The following CRELD2 variants were observed in gnomAD, a reference collection of about 807,000 sequenced individuals.
CRELD2 encodes CRELD disulfide isomerase 2, also known as protein disulfide isomerase CRELD2.
A neutral mutation model predicts 48.1 loss-of-function variants in CRELD2; 33 were observed. The observed-to-expected ratio is 0.69, with a 90% CI of 0.52 to 0.92. CRELD2 has a LOEUF of 0.92. CRELD2 is among the 40% of genes least tolerant of loss of function. CRELD2 has a pLI of 0.00. For synonymous variants in CRELD2, 220 were observed against 203.9 expected (o/e 1.08, Z -0.67); for missense variants, 477 against 482.4 (o/e 0.99, Z 0.10).
At chr22:49,924,594 C>A in intron 8 of CRELD2, 139 bp downstream of exon 8, 1 of 593,100 alleles carries the variant, frequency 1.7e-6, no homozygotes, top group Non-Finnish European at 3.0e-6. Flanking sequence ...GGTCACTGTG[C>A]ACTCGCCCTG....
At chr22:49,922,083 C>T (rs770589773) in intron 5 of CRELD2, 4 of 636,012 alleles carry the variant, frequency 6.3e-6, no homozygotes, top group Non-Finnish European at 8.0e-6. Context: ...CGCACCGGCC[C>T]AGAGAGCAGC....
Position 49,918,663 on chromosome 22 carries a change from G to A in CRELD2, c.-107G>A, listed in dbSNP as rs1364351603. ...CCTCGCCGGCGCCGTCAAGTAGCCT[G>A]GGGGACAGGCCGGCGCGGCTGGGAG... On this transcript the variant is annotated 5_prime_UTR_variant, in exon 1 of 10. Coordinates refer to ENST00000328268, the MANE Select transcript of CRELD2 (RefSeq NM_024324.5). The A allele has an allele frequency of 1.0e-5, 4 of 387,496 alleles. No homozygotes were observed. Among genetic ancestry groups the A allele is most frequent in the Non-Finnish European group, 1.8e-5 (4 of 227,946 alleles). 24.0% of individuals were successfully genotyped at this position (387,496 alleles called of 1,614,324 possible).
intron 7 of CRELD2, chr22:49,923,621 G>A (rs1051220990): frequency 1.8e-5 from 9 of 507,500 alleles, no homozygotes; most frequent in South Asian, 8.0e-5. Flanking sequence ...AGCGCCTGTC[G>A]GGTGTTTTCC....
In CRELD2 at chr22:49,921,775, C is replaced by G; in HGVS notation, c.592+14C>G. The G allele has an allele frequency of 6.3e-7, 1 of 1,597,480 alleles. No individual in the cohort carries two copies. ...GCATCTGCACAGGTACGGGCTACGCCTGGGCTGGCCCCGGGGTTGAGGCGG... is the reference window on the plus strand; with the variant it reads ...GCATCTGCACAGGTACGGGCTACGCGTGGGCTGGCCCCGGGGTTGAGGCGG... On this transcript the variant is annotated intron_variant, in intron 5 of 9. Coordinates refer to ENST00000328268, the MANE Select transcript of CRELD2 (RefSeq NM_024324.5).
chr22:49,924,296 T>A, intron 7 of CRELD2, 64 bp from the exon 8 acceptor site: 1 of 1,201,712 alleles, frequency 8.3e-7, no homozygotes. Context: ...CTTGTGCATG[T>A]CGGGGTCTGA....
At position 49,918,704 on chromosome 22, in the gene CRELD2, GAGGCCGGAGCAGCACGGCCGCAGGAC is replaced by G; in HGVS notation, c.-65_-40del. On this transcript the variant is annotated 5_prime_UTR_variant, in exon 1 of 10. Transcript: ENST00000328268. The stretch of plus-strand genomic sequence containing the variant: ...CGGCTGGGAGCGGGTGGGCGGCCGG[GAGGCCGGAGCAGCACGGCCGCAGGAC>G]CTGGAGCTCCGGCTGCGTCTTCCCG... 1.7e-6 allele frequency: 1 copy of G among 600,006 alleles called. No individual in the cohort carries two copies. Among genetic ancestry groups the G allele is most frequent in the Non-Finnish European group, 2.4e-6 (1 of 415,994 alleles). The allele number at this position is 600,006 out of a possible 1,614,324, so 37.2% of individuals were successfully genotyped here. A position where few individuals can be genotyped will look rare whatever the true frequency, so the allele number is the denominator to read the frequency against.
rs755814898 is a variant in CRELD2 at position 49,920,259 on chromosome 22, C to T, written c.415+12C>T. The T allele has an allele frequency of 6.3e-7, 1 of 1,579,776 alleles. No homozygotes were observed. The highest frequency in any genetic ancestry group is 2.2e-5 in the East Asian group (1 of 44,722). ...TCCCGACTGTCTCGGTGCGTTTCTC[C>T]TCAGGGAAATCCCATCTCCTACGTC... On this transcript the variant is annotated intron_variant, in intron 4 of 9. Coordinates refer to ENST00000328268, the MANE Select transcript of CRELD2 (RefSeq NM_024324.5).
intron 4 of CRELD2, among the ~76,000 whole-genome samples, chr22:49,920,485 C>T (rs1466713237): frequency 2.6e-5 from 4 of 152,238 alleles, no homozygotes; most frequent in African/African-American, 9.6e-5. Context: ...TATGTCTTCC[C>T]AGCTGTGCTG....
At chr22:49,923,061 C>T (rs1412952353) in intron 6 of CRELD2, 173 bp from the exon 7 acceptor site, 11 of 601,512 alleles carry the variant, frequency 1.8e-5, no homozygotes, top group African/African-American at 5.6e-5. Context: ...CCTCCCCTGC[C>T]GCGTGGGGCC....
At position 49,919,714 on chromosome 22, in the gene CRELD2, T is replaced by A; in HGVS notation, c.213-16T>A. On this transcript the variant is annotated splice_polypyrimidine_tract_variant and intron_variant, in intron 2 of 9. Transcript: ENST00000328268. ...TGGAGGCGCTGACGGTGGGCCGGTG[T>A]GGGCCTGTGTTTCAGCGAGATTCGC... 1 of 1,590,086 alleles carries A rather than the reference T, an allele frequency of 6.3e-7. No homozygotes were observed. The highest frequency in any genetic ancestry group is 8.6e-7 in the Non-Finnish European group (1 of 1,166,604).
chr22:49,919,788 A>C lies in CRELD2; in HGVS notation c.271A>C (p.Asn91His). ...GTGCGAGAGCAGCGACTTCGAATGC[A>C]ATCAGATGCTAGAGGCGCAGGAGGA... The part of the protein sequence containing the change: ...GLCESSDFEC[N>H]QMLEAQEEHL... The change falls in exon 3 of 10, where the codon AAT becomes CAT. Residue 91 changes from asparagine to histidine, a missense_variant. Physicochemically the swap from Asn to His is moderately conservative, Grantham distance 68. Coordinates refer to ENST00000328268, the MANE Select transcript of CRELD2 (RefSeq NM_024324.5). The C allele has an allele frequency of 1.2e-6, 2 of 1,613,188 alleles. No homozygotes were observed. The highest frequency in any genetic ancestry group is 1.7e-6 in the Non-Finnish European group (2 of 1,179,710).
rs2060749929 is a variant in CRELD2, at chr22:49,925,400, G to C, written c.869-17G>C. ...GCTGAGCAAAGTAATTATTAAAACG[G>C]AGTCTTTTCATTTTAGATGTGGACG... On this transcript the variant is annotated splice_polypyrimidine_tract_variant and intron_variant, in intron 8 of 9. Coordinates refer to ENST00000328268, the MANE Select transcript of CRELD2 (RefSeq NM_024324.5). The C allele has an allele frequency of 6.7e-7, 1 of 1,501,096 alleles. No homozygotes were observed. The highest frequency in any genetic ancestry group is 9.2e-7 in the Non-Finnish European group (1 of 1,086,114). 93.0% of individuals were successfully genotyped at this position (1,501,096 alleles called of 1,614,324 possible). A position where few individuals can be genotyped will look rare whatever the true frequency, so the allele number is the denominator to read the frequency against.
chr22:49,922,650 AAC>A lies in CRELD2; in HGVS notation c.633_634del (p.Asn211LysfsTer7). ...CTGCAAGACGTGCTCGGGCCTGACC[AAC>A]AGAGACTGCGGCGAGTGTGAAGTGG... is the stretch of plus-strand genomic sequence containing the variant. ...ESCKTCSGLT[N>X]RDCGECEVGW... On this transcript the variant is annotated frameshift_variant, in exon 6 of 10. Coordinates refer to ENST00000328268, the MANE Select transcript of CRELD2 (RefSeq NM_024324.5). LOFTEE classifies it high-confidence loss of function. 1 of 1,570,280 alleles carries A rather than the reference AAC, an allele frequency of 6.4e-7. No homozygotes were observed. Among genetic ancestry groups the A allele is most frequent in the Non-Finnish European group, 8.6e-7 (1 of 1,158,682 alleles).
At chr22:49,925,666 G>T in intron 9 of CRELD2, 109 bp downstream of exon 9, 1 of 1,551,858 alleles carries the variant, frequency 6.4e-7, no homozygotes, top group Non-Finnish European at 8.7e-7. Context: ...GCCTTGAGAT[G>T]GTGAGAGGGG....
rs8139422 is a variant in CRELD2, at chr22:49,921,715, C to A, written c.546C>A (p.Asp182Glu). 0.059 allele frequency: 94,803 copies of A among 1,612,696 alleles called. 12,062 individuals carry two copies. Among genetic ancestry groups the A allele is most frequent in the African/African-American group, 0.51 (38,584 of 74,938 alleles). The change falls in exon 5 of 10, where the codon GAC becomes GAA. Residue 182 changes from aspartate (D) to glutamate (E), a missense_variant. Physicochemically the swap from Asp to Glu is conservative, Grantham distance 45 (BLOSUM62 2). Coordinates refer to ENST00000328268, the MANE Select transcript of CRELD2 (RefSeq NM_024324.5). ...GCCCGCTGTGCACTGACTGCATGGA[C>A]GGCTACTTCAGCTCGCTCCGGAACG... ...YQGPLCTDCM[D>E]GYFSSLRNET...
Position 49,921,618 on chromosome 22 carries a change from G to A in CRELD2, c.449G>A (p.Gly150Glu). Reference sequence around the variant, plus strand: ...GGCGGATCCCAGAGGCCCTGCAGCGGGAATGGCCACTGCAGCGGAGATGGG... The same window carrying A: ...GGCGGATCCCAGAGGCCCTGCAGCGAGAATGGCCACTGCAGCGGAGATGGG... The part of the protein sequence containing the change: ...CQGGSQRPCS[G>E]NGHCSGDGSR... The change falls in exon 5 of 10, where the codon GGG becomes GAG. Residue 150 changes from glycine to glutamate, a missense_variant. By Grantham distance (98) the Gly-to-Glu change is moderately conservative. Coordinates refer to ENST00000328268, the MANE Select transcript of CRELD2 (RefSeq NM_024324.5). The A allele has an allele frequency of 6.2e-7, 1 of 1,612,866 alleles. No individual in the cohort carries two copies. The highest frequency in any genetic ancestry group is 8.5e-7 in the Non-Finnish European group (1 of 1,179,966).
rs956972628 is a variant in CRELD2, at chr22:49,918,731, C to T, written c.-39C>T. Reference sequence around the variant, plus strand: ...GGCCGGAGCAGCACGGCCGCAGGACCTGGAGCTCCGGCTGCGTCTTCCCGC... The same window carrying T: ...GGCCGGAGCAGCACGGCCGCAGGACTTGGAGCTCCGGCTGCGTCTTCCCGC... On this transcript the variant is annotated 5_prime_UTR_variant, in exon 1 of 10. Coordinates refer to ENST00000328268, the MANE Select transcript of CRELD2 (RefSeq NM_024324.5). 131 of 837,474 alleles carry T rather than the reference C, an allele frequency of 1.6e-4. 1 individual carries two copies. The African/African-American group carries it at 2.2e-3, about 14-fold the overall frequency. The allele number at this position is 837,474 out of a possible 1,614,324, so 51.9% of individuals were successfully genotyped here.
Position 49,927,294 on chromosome 22 carries a change from G to A in CRELD2, c.1049G>A (p.Arg350His), listed in dbSNP as rs368886220. 1.3e-5 allele frequency: 21 copies of A among 1,612,054 alleles called. No homozygotes were observed. Among genetic ancestry groups the A allele is most frequent in the South Asian group, 4.4e-5 (4 of 91,074 alleles). Residue 350 changes from arginine to histidine, a missense_variant, in exon 10 of 10, where the codon CGC (arginine) becomes CAC (histidine). By Grantham distance (29) the Arg-to-His change is conservative (BLOSUM62 0). Coordinates refer to ENST00000328268, the MANE Select transcript of CRELD2 (RefSeq NM_024324.5). ...GAAAGCCCGACACAGCTGCCCTCCCGCGAAGACCTGTAATGTGCCGGACTT... is the reference window on the plus strand; with the variant it reads ...GAAAGCCCGACACAGCTGCCCTCCCACGAAGACCTGTAATGTGCCGGACTT... The part of the protein sequence containing the change: ...EGESPTQLPS[R>H]EDL
chr22:49,922,915 GGGGGCGTGAGGT>G (rs1232037271), intron 6 of CRELD2, among the ~76,000 whole-genome samples: 3,516 of 81,422 alleles, frequency 0.043, 498 homozygotes, highest in African/African-American at 0.21. Context: ...CGTGAGGTGT[GGGGGCGTGAGGT>G]GGGGGCGTGA....
Sources: gnomAD v4.1 joint callset for allele counts (sites outside exome capture counted in the v4.1 genomes callset) on GRCh38, gnomAD v4.1.1 for gene constraint, MANE v1.5 for transcripts, NCBI Gene and HGNC (gene_info 2026-07-23, HGNC 2026-07-21) for gene names.